AP4E1: variants seen among roughly 807,000 people sequenced by gnomAD.
The protein encoded by AP4E1 is adaptor related protein complex 4 subunit epsilon 1.
In AP4E1, 56 loss-of-function variants were observed where a neutral mutation model predicts 128.2. The observed-to-expected ratio is 0.44, with a 90% CI of 0.35 to 0.55. The LOEUF is 0.55. AP4E1 is among the 20% of genes least tolerant of loss of function. AP4E1 has a pLI of 0.00. For synonymous variants in AP4E1, 484 were observed against 473.1 expected (o/e 1.02, Z -0.30); for missense variants, 1,324 against 1,307.7 (o/e 1.01, Z -0.19).
At chr15:50,982,086 CAAAAAAAAAAAAA>C (rs55717107) in intron 15 of AP4E1, among the ~76,000 whole-genome samples, 2 of 49,284 alleles carry the variant, frequency 4.1e-5, no homozygotes, top group South Asian at 1.1e-3. Flanking sequence ...ACTCCCATCT[CAAAAAAAAAAAAA>C]AAAAAAAAAA....
At chr15:50,965,640 A>G (rs904354217) in intron 14 of AP4E1, among the ~76,000 whole-genome samples, 1 of 152,240 alleles carries the variant, frequency 6.6e-6, no homozygotes, top group Non-Finnish European at 1.5e-5. Flanking sequence ...CTCCGTGGCC[A>G]TACCACTTTT....
Position 50,950,182 on chromosome 15 carries a change from C to CCT in AP4E1, c.1548+14_1548+15dup, listed in dbSNP as rs2064129987. On this transcript the variant is annotated intron_variant, in intron 13 of 20. Transcript: ENST00000261842. ...AGTTATGAGTTGGGTGAGCAAAGTA[C>CCT]CTTAAATCATAAATTTTTATAACAT... 1 of 1,494,564 alleles carries CCT rather than the reference C, an allele frequency of 6.7e-7. No individual in the cohort carries two copies. The highest frequency in any genetic ancestry group is 9.3e-7 in the Non-Finnish European group (1 of 1,077,188). 92.6% of individuals were successfully genotyped at this position (1,494,564 alleles called of 1,614,324 possible).
intron 1 of AP4E1, among the ~76,000 whole-genome samples, chr15:50,910,616 A>G (rs1313237309): frequency 6.6e-6 from 1 of 152,186 alleles, no homozygotes; most frequent in African/African-American, 2.4e-5. Flanking sequence ...TCCGGAGAGA[A>G]CCTGCTTCAC....
intron 5 of AP4E1, among the ~76,000 whole-genome samples, chr15:50,926,825 C>T (rs906811655): frequency 9.9e-5 from 15 of 151,908 alleles, no homozygotes; most frequent in African/African-American, 2.2e-4. Flanking sequence ...CTCCTGACCT[C>T]GTGATCCACC....
At chr15:50,962,234 A>G (rs968004461) in intron 14 of AP4E1, among the ~76,000 whole-genome samples, 1 of 152,066 alleles carries the variant, frequency 6.6e-6, no homozygotes, top group Non-Finnish European at 1.5e-5. Flanking sequence ...TACCAATGAC[A>G]GTCTTCACAG....
chr15:50,944,848 A>AT lies in AP4E1; in HGVS notation c.1176+3074dup, dbSNP rs1288610805. The AT allele has an allele frequency of 1.0e-4, 77 of 759,784 alleles. No individual in the cohort carries two copies. In the East Asian group the frequency reaches 1.2e-3, roughly 11 times the overall value. The allele number at this position is 759,784 out of a possible 1,614,324, so 47.1% of individuals were successfully genotyped here. On this transcript the variant is annotated intron_variant, in intron 10 of 20. Coordinates refer to ENST00000261842, the MANE Select transcript of AP4E1 (RefSeq NM_007347.5). ...GCAAAACCATTCCTTGCTTTGCTGG[A>AT]TGGTCACCAAGATGGAGTCAGTTGC...
chr15:50,924,405 A>T (rs2063744656), intron 4 of AP4E1, among the ~76,000 whole-genome samples: 1 of 152,176 alleles, frequency 6.6e-6, no homozygotes, highest in Non-Finnish European at 1.5e-5. Context: ...GTCATTTAAA[A>T]AAAGAATAGA....
chr15:50,927,443 G>A (rs2063782002), intron 5 of AP4E1, among the ~76,000 whole-genome samples: 1 of 151,564 alleles, frequency 6.6e-6, no homozygotes, highest in Admixed American at 6.6e-5. Flanking sequence ...CCCAGAGCCT[G>A]AATCTAGGTC....
chr15:50,938,637 A>C (rs36004063), intron 8 of AP4E1, among the ~76,000 whole-genome samples: 31,986 of 152,036 alleles, frequency 0.21, 3,933 homozygotes, highest in East Asian at 0.44. Flanking sequence ...CTTTGTGGCC[A>C]GGGTTCGGAG....
At chr15:50,987,412 T>C (rs2064743983) in intron 16 of AP4E1, among the ~76,000 whole-genome samples, 2 of 152,218 alleles carry the variant, frequency 1.3e-5, no homozygotes, top group East Asian at 1.9e-4. Context: ...CAATTTTAGA[T>C]CTTTCCTGCT....
At chr15:51,002,473 A>G in intron 20 of AP4E1, 29 bp from the exon 21 acceptor site, 1 of 1,613,084 alleles carries the variant, frequency 6.2e-7, no homozygotes. Context: ...TTTTGCATTA[A>G]ATCATTTTTC....
At chr15:50,950,216 C>A in intron 13 of AP4E1, 47 bp downstream of exon 13, 3 of 1,272,100 alleles carry the variant, frequency 2.4e-6, no homozygotes, top group South Asian at 1.3e-5. Context: ...ATTTTTAATA[C>A]AAACCAAATG....
chr15:50,945,666 T>C (rs1596474814), intron 10 of AP4E1: 2 of 780,734 alleles, frequency 2.6e-6, no homozygotes, highest in Non-Finnish European at 4.7e-6. Flanking sequence ...AATGCACTTC[T>C]GACAGCAAGT....
At chr15:50,908,252 C>T (rs1034600094), upstream of AP4E1, among the ~76,000 whole-genome samples, 5 of 152,202 alleles carry the variant, frequency 3.3e-5, no homozygotes, top group South Asian at 2.1e-4. Flanking sequence ...TCGCCAGGGC[C>T]GGAGCCGCGC....
chr15:50,975,274 G>A (rs1430008147), intron 15 of AP4E1, among the ~76,000 whole-genome samples: 1 of 152,136 alleles, frequency 6.6e-6, no homozygotes, highest in Non-Finnish European at 1.5e-5. Context: ...GCGTGGTGGT[G>A]CATGCTTGTA....
intron 8 of AP4E1, among the ~76,000 whole-genome samples, chr15:50,936,767 C>G (rs2063913140): frequency 6.6e-6 from 1 of 152,132 alleles, no homozygotes; most frequent in African/African-American, 2.4e-5. Context: ...AACCCTGTCT[C>G]TACTAAAAAT....
chr15:50,966,655 A>G (rs1414033996), intron 14 of AP4E1, among the ~76,000 whole-genome samples: 2 of 148,696 alleles, frequency 1.3e-5, no homozygotes, highest in Non-Finnish European at 3.0e-5. Flanking sequence ...CTCCTGTCTC[A>G]GCCTCCCGAG....
intron 13 of AP4E1, among the ~76,000 whole-genome samples, chr15:50,953,542 C>T (rs2064179624): frequency 6.6e-6 from 1 of 152,184 alleles, no homozygotes; most frequent in Admixed American, 6.5e-5. Flanking sequence ...TCCAGTGTAT[C>T]CATGCTGTAT....
chr15:50,910,712 G>C (rs1183959798), intron 1 of AP4E1, among the ~76,000 whole-genome samples: 1 of 152,216 alleles, frequency 6.6e-6, no homozygotes, highest in Non-Finnish European at 1.5e-5. Flanking sequence ...CTGGAATGCA[G>C]TGGTGCAATC....
Sources: gnomAD v4.1 joint callset for allele counts (sites outside exome capture counted in the v4.1 genomes callset) on GRCh38, gnomAD v4.1.1 for gene constraint, MANE v1.5 for transcripts, NCBI Gene and HGNC (gene_info 2026-07-23, HGNC 2026-07-21) for gene names.